MYO10: variants seen among roughly 807,000 people sequenced by gnomAD.
MYO10 encodes the protein myosin X, also known as unconventional myosin-X.
MYO10 carries 133 observed loss-of-function variants against 257.3 expected under a neutral mutation model. That is an observed-to-expected ratio of 0.52 (90% CI 0.45 to 0.60). The LOEUF is 0.60. Ranked by LOEUF, MYO10 falls within the 20% of genes least tolerant of loss-of-function variation. The probability of loss-of-function intolerance (pLI) is 0.00; values close to 1 mark genes in which losing one functional copy is unlikely to be tolerated. For synonymous variants in MYO10, 1,104 were observed against 1,028.6 expected, an observed-to-expected ratio of 1.07 and a Z score of -1.40; for missense variants, 2,399 against 2,635.7, an observed-to-expected ratio of 0.91 and a Z score of 1.97.
In MYO10 at chr5:16,906,342, T is replaced by C. The variant is rs555932569; in HGVS notation, c.22-28635A>G. Among the ~76,000 whole-genome samples the C allele has an allele frequency of 2.4e-4, 37 of 152,322 alleles. No homozygotes were observed. In the South Asian group the frequency reaches 4.8e-3, roughly 20 times the overall value. On this transcript the variant is annotated intron_variant, in intron 1 of 40. Transcript: ENST00000513610. ...TTCTCAGCAGCAACACCACTGACAC[T>C]TGGGGCTGCATAACCATATCCTGAG...
intron 1 of MYO10, among the ~76,000 whole-genome samples, chr5:16,877,968 G>T (rs1350407191): frequency 6.6e-6 from 1 of 152,146 alleles, no homozygotes; most frequent in East Asian, 1.9e-4. Context: ...TTCTCACCAT[G>T]CAACTGATTT....
chr5:16,701,047 C>T lies in MYO10; in HGVS notation c.3348G>A (p.Gln1116=), dbSNP rs1014602204. 22 of 1,565,654 alleles carry T rather than the reference C, an allele frequency of 1.4e-5. No individual in the cohort carries two copies. Among genetic ancestry groups the T allele is most frequent in the East Asian group, 2.4e-5 (1 of 41,928 alleles). The change falls in exon 25 of 41, where the codon CAG becomes CAA. Residue 1116 remains glutamine (Q), a synonymous_variant. Coordinates refer to ENST00000513610, the MANE Select transcript of MYO10 (RefSeq NM_012334.3). This position sits in a 1 kb window ranked among gnomAD's most constrained non-coding sequence, Gnocchi z 8.1. ...CAGAGCAGCGGTAGTCGGGGGACCA[C>T]TGGCTGCCGTAGGAGTTGGAGAAGG... ...SVTFSNSYGS[Q]WSPDYRCSVG...
chr5:16,805,943 T>G (rs554247429), intron 3 of MYO10, among the ~76,000 whole-genome samples: 1 of 152,286 alleles, frequency 6.6e-6, no homozygotes, highest in East Asian at 1.9e-4. Flanking sequence ...ACACCTAGTG[T>G]CAAATTTCAC....
intron 1 of MYO10, among the ~76,000 whole-genome samples, chr5:16,893,558 C>T (rs1296166190): frequency 6.9e-6 from 1 of 144,484 alleles, no homozygotes; most frequent in Non-Finnish European, 1.5e-5. Flanking sequence ...CGCTTGAACT[C>T]GGGAGGCAGA....
At chr5:16,758,288 A>C (rs1230210250) in intron 17 of MYO10, 62 bp from the exon 18 acceptor site, 1 of 1,107,304 alleles carries the variant, frequency 9.0e-7, no homozygotes, top group Non-Finnish European at 1.4e-6. Flanking sequence ...GTGCAAGATT[A>C]TTGTAATTAA....
Position 16,762,647 on chromosome 5 carries a change from GA to G in MYO10, c.1495-11del. On this transcript the variant is annotated splice_polypyrimidine_tract_variant and intron_variant, in intron 14 of 40. Coordinates refer to ENST00000513610, the MANE Select transcript of MYO10 (RefSeq NM_012334.3). ...CTAGGAGGCCAAGTTTCTAGAAGAA[GA>G]AAAAGAAAAAATGAATTAAAAGTTG... 1 of 1,568,754 alleles carries G rather than the reference GA, an allele frequency of 6.4e-7. No homozygotes were observed. Among genetic ancestry groups the G allele is most frequent in the Non-Finnish European group, 8.7e-7 (1 of 1,152,020 alleles).
At chr5:16,894,085 T>TGG (rs1339104831) in intron 1 of MYO10, among the ~76,000 whole-genome samples, 1 of 152,222 alleles carries the variant, frequency 6.6e-6, no homozygotes, top group African/African-American at 2.4e-5. Context: ...CCTCTCACTC[T>TGG]GGTTCCTGTT....
intron 19 of MYO10, among the ~76,000 whole-genome samples, chr5:16,740,211 G>A (rs1739967553): frequency 6.6e-6 from 1 of 152,126 alleles, no homozygotes; most frequent in Admixed American, 6.5e-5. Flanking sequence ...CTGGGAGGGA[G>A]GCTGATGGGG....
chr5:16,680,994 A>G (rs1039723541), intron 32 of MYO10, among the ~76,000 whole-genome samples: 1 of 152,194 alleles, frequency 6.6e-6, no homozygotes, highest in African/African-American at 2.4e-5. Flanking sequence ...CCCTGTCTCA[A>G]AAATGAGAAG....
At chr5:16,747,624 A>G (rs1298509011) in intron 19 of MYO10, among the ~76,000 whole-genome samples, 1 of 152,200 alleles carries the variant, frequency 6.6e-6, no homozygotes, top group African/African-American at 2.4e-5. Flanking sequence ...CCAGATGCAT[A>G]AAAGAAGATA....
intron 26 of MYO10, among the ~76,000 whole-genome samples, chr5:16,698,634 T>TGTATG (rs1737878888): frequency 7.3e-6 from 1 of 137,852 alleles, no homozygotes; most frequent in Admixed American, 6.9e-5. Context: ...TTTTTTTTTT[T>TGTATG]TTTTTTTGAG....
At chr5:16,676,258 G>C in intron 33 of MYO10, 104 bp from the exon 34 acceptor site, 1 of 1,379,292 alleles carries the variant, frequency 7.3e-7, no homozygotes, top group Non-Finnish European at 9.8e-7. Context: ...GGGCAAAGAT[G>C]GTGGAAATCC....
chr5:16,863,260 G>A (rs1744155627), intron 2 of MYO10, among the ~76,000 whole-genome samples: 1 of 152,234 alleles, frequency 6.6e-6, no homozygotes, highest in African/African-American at 2.4e-5. Flanking sequence ...AGTCCTAACA[G>A]ATCTGATCCC....
rs531473081 is a variant in MYO10 at position 16,873,094 on chromosome 5, T to C, written c.120+4515A>G. 5.9e-5 allele frequency among the ~76,000 whole-genome samples: 9 copies of C among 152,344 alleles called. No homozygotes were observed. The East Asian group carries it at 1.5e-3, about 26-fold the overall frequency. ...GAAGTCCACAGTCCAAAGTCTCATC[T>C]GAGACAAGGCAAGTCCCTTCCACCT... On this transcript the variant is annotated intron_variant, in intron 2 of 40. Transcript: ENST00000513610.
chr5:16,852,653 G>A (rs1743843446), intron 2 of MYO10, among the ~76,000 whole-genome samples: 1 of 151,612 alleles, frequency 6.6e-6, no homozygotes, highest in South Asian at 2.1e-4. Context: ...CGCAAAAATT[G>A]AATGAGGCCT....
chr5:16,698,844 C>T (rs1302042589), intron 26 of MYO10, among the ~76,000 whole-genome samples: 1 of 143,884 alleles, frequency 7.0e-6, no homozygotes, highest in Non-Finnish European at 1.5e-5. Flanking sequence ...AGGATGGTCT[C>T]GATCTCCTGA....
Position 16,681,491 on chromosome 5 carries a change from T to C in MYO10, c.4202A>G (p.Lys1401Arg), listed in dbSNP as rs1471888207. 6.2e-7 allele frequency: 1 copy of C among 1,602,192 alleles called. No individual in the cohort carries two copies. Among genetic ancestry groups the C allele is most frequent in the East Asian group, 2.2e-5 (1 of 44,844 alleles). Residue 1401 changes from lysine (K) to arginine (R), a missense_variant, in exon 32 of 41, where the codon AAA becomes AGA. Physicochemically the swap from Lys to Arg is conservative, Grantham distance 26. Transcript: ENST00000513610. ...CATCTTTGGACTGTTCTTCACCTCT[T>C]TGTGCAACCATCCTGGAAAAAAAGA... ...QEFIVRGWLH[K>R]EVKNSPKMSS...
At chr5:16,930,719 A>G (rs1347851133) in intron 1 of MYO10, among the ~76,000 whole-genome samples, 1 of 152,206 alleles carries the variant, frequency 6.6e-6, no homozygotes, top group Non-Finnish European at 1.5e-5. Context: ...CATGCAAACT[A>G]GGAACTATTA....
intron 2 of MYO10, among the ~76,000 whole-genome samples, chr5:16,851,692 A>G (rs1743805742): frequency 6.6e-6 from 1 of 152,206 alleles, no homozygotes; most frequent in African/African-American, 2.4e-5. Context: ...ATCAAACCAA[A>G]TAATGCAAAC....
Sources: allele counts gnomAD v4.1 joint callset (sites outside exome capture counted in the v4.1 genomes callset), GRCh38; gene constraint gnomAD v4.1.1; non-coding constraint Gnocchi (gnomAD v3.1); transcripts MANE v1.5; gene names NCBI Gene and HGNC (gene_info 2026-07-23, HGNC 2026-07-21).